Variants in PDE7B observed in about 807,000 individuals in gnomAD.
The protein encoded by PDE7B is 3',5'-cyclic-AMP phosphodiesterase 7B.
Under a neutral mutation model 56.2 loss-of-function variants are expected in PDE7B, and 29 were observed. The ratio of observed to expected loss-of-function variants is 0.52; its 90% CI spans 0.38 to 0.70. The LOEUF (loss-of-function observed/expected upper bound fraction) is 0.70. Among genes scored for constraint, PDE7B ranks in the 30% least tolerant of loss-of-function variants. PDE7B has a pLI of 0.00. For missense variants in PDE7B, 490 were observed against 565.0 expected (o/e 0.87, Z 1.35); for synonymous variants, 197 against 196.9 (o/e 1.00, Z 0.00).
intron 3 of PDE7B, among the ~76,000 whole-genome samples, chr6:136,129,558 G>C (rs751034446): frequency 3.3e-5 from 5 of 152,188 alleles, no homozygotes; most frequent in Non-Finnish European, 7.3e-5. Flanking sequence ...ACAGGAGTGA[G>C]CTCCCGCTCT....
intron 1 of PDE7B, among the ~76,000 whole-genome samples, chr6:135,878,970 T>G (rs1427436221): frequency 6.6e-6 from 1 of 152,154 alleles, no homozygotes; most frequent in Non-Finnish European, 1.5e-5. Context: ...ATATCTTGAG[T>G]ATATTTTTTG....
At chr6:136,018,798 G>A (rs895754642) in intron 2 of PDE7B, among the ~76,000 whole-genome samples, 12 of 151,302 alleles carry the variant, frequency 7.9e-5, no homozygotes, top group South Asian at 2.1e-4. Flanking sequence ...ATACATATAC[G>A]TGTGTGTGTT....
At chr6:135,868,418 T>C (rs560581736) in intron 1 of PDE7B, among the ~76,000 whole-genome samples, 27 of 151,296 alleles carry the variant, frequency 1.8e-4, no homozygotes, top group Non-Finnish European at 3.4e-4. Flanking sequence ...GAAACATCAA[T>C]TGGGGAGATA....
intron 2 of PDE7B, among the ~76,000 whole-genome samples, chr6:135,976,627 A>G (rs942746394): frequency 6.6e-6 from 1 of 151,924 alleles, no homozygotes; most frequent in Non-Finnish European, 1.5e-5. Flanking sequence ...AATGGGGAAG[A>G]CAGCTTAAGC....
intron 2 of PDE7B, among the ~76,000 whole-genome samples, chr6:136,103,906 G>GTAAGT (rs2128217457): frequency 6.6e-6 from 1 of 152,320 alleles, no homozygotes; most frequent in Admixed American, 6.5e-5. Flanking sequence ...TTCAGCCACT[G>GTAAGT]TAAGTTGTCA....
chr6:136,081,701 G>A (rs993680023), intron 2 of PDE7B, among the ~76,000 whole-genome samples: 1 of 152,114 alleles, frequency 6.6e-6, no homozygotes, highest in African/African-American at 2.4e-5. Context: ...TTGAATTTTG[G>A]CATCAACCTA....
At chr6:136,135,501 A>C (rs1778196430) in intron 3 of PDE7B, among the ~76,000 whole-genome samples, 1 of 151,966 alleles carries the variant, frequency 6.6e-6, no homozygotes, top group Non-Finnish European at 1.5e-5. Context: ...AAATATGTCC[A>C]CCCATGTGAG....
intron 1 of PDE7B, among the ~76,000 whole-genome samples, chr6:135,924,834 G>A (rs555944022): frequency 2.6e-5 from 4 of 151,522 alleles, no homozygotes; most frequent in Non-Finnish European, 4.4e-5. Flanking sequence ...TTTATTAAGT[G>A]TTTGTCATAT....
intron 2 of PDE7B, among the ~76,000 whole-genome samples, chr6:135,968,819 T>C (rs1775043286): frequency 6.6e-6 from 1 of 152,150 alleles, no homozygotes; most frequent in South Asian, 2.1e-4. Context: ...AATCATTCTA[T>C]TATAAAAACA....
At chr6:136,123,259 T>C (rs934992178) in intron 3 of PDE7B, among the ~76,000 whole-genome samples, 1 of 152,108 alleles carries the variant, frequency 6.6e-6, no homozygotes, top group African/African-American at 2.4e-5. Context: ...CTCGGGGGGC[T>C]GATGTGGGAG....
intron 2 of PDE7B, chr6:136,037,957 G>A: frequency 8.2e-7 from 1 of 1,214,688 alleles, no homozygotes; most frequent in South Asian, 1.5e-5. Flanking sequence ...CTCAGTGCCA[G>A]AGAGAGGAGG....
chr6:136,048,043 C>G (rs181814682), intron 2 of PDE7B, among the ~76,000 whole-genome samples: 2 of 151,830 alleles, frequency 1.3e-5, no homozygotes, highest in South Asian at 4.2e-4. Flanking sequence ...ATTCATGAAC[C>G]AAGAATGTTG....
Position 136,178,932 on chromosome 6 carries a change from T to C in PDE7B, c.804-65T>C, listed in dbSNP as rs576243387. 3 of 1,534,226 alleles carry C rather than the reference T, an allele frequency of 2.0e-6. No individual in the cohort carries two copies. The South Asian group carries it at 3.4e-5, about 17-fold the overall frequency. ...TACAAGCCACCTGATGATGATAAAA[T>C]CAATCACCCTCATCAAAGGGATTTG... On this transcript the variant is annotated intron_variant, in intron 9 of 12. Coordinates refer to ENST00000308191, the MANE Select transcript of PDE7B (RefSeq NM_018945.4).
At chr6:135,902,885 A>C (rs1442135153) in intron 1 of PDE7B, among the ~76,000 whole-genome samples, 1 of 152,156 alleles carries the variant, frequency 6.6e-6, no homozygotes, top group Non-Finnish European at 1.5e-5. Flanking sequence ...GCAACCCTGG[A>C]AAGTTGATGT....
intron 2 of PDE7B, among the ~76,000 whole-genome samples, chr6:136,092,922 T>C (rs1304404191): frequency 6.6e-6 from 1 of 151,944 alleles, no homozygotes; most frequent in Non-Finnish European, 1.5e-5. Flanking sequence ...ACTAAAAGAG[T>C]AGACCCTAAA....
chr6:135,892,649 A>T (rs932698192), intron 1 of PDE7B, among the ~76,000 whole-genome samples: 1 of 152,290 alleles, frequency 6.6e-6, no homozygotes, highest in East Asian at 1.9e-4. Flanking sequence ...CCATTTGCTG[A>T]TAACTGGAAA....
At chr6:135,941,510 C>T (rs1280585067) in intron 1 of PDE7B, among the ~76,000 whole-genome samples, 2 of 152,216 alleles carry the variant, frequency 1.3e-5, no homozygotes, top group Non-Finnish European at 2.9e-5. Flanking sequence ...CCTAGTTTTC[C>T]ACTTTCCCAA....
At chr6:136,156,020 A>G (rs558349783) in intron 8 of PDE7B, 4 of 553,408 alleles carry the variant, frequency 7.2e-6, no homozygotes, top group Admixed American at 4.8e-5. Flanking sequence ...AAATCTCTAA[A>G]GAGTAAATAC....
intron 8 of PDE7B, among the ~76,000 whole-genome samples, chr6:136,168,659 G>T (rs1249040664): frequency 6.6e-6 from 1 of 152,084 alleles, no homozygotes; most frequent in African/African-American, 2.4e-5. Context: ...AGGAATGATT[G>T]GGCACAAGTG....
Sources: allele counts gnomAD v4.1 joint callset (sites outside exome capture counted in the v4.1 genomes callset), GRCh38; gene constraint gnomAD v4.1.1; transcripts MANE v1.5; gene names NCBI Gene and HGNC (gene_info 2026-07-23, HGNC 2026-07-21).